Variants in ELAPOR1 observed in about 807,000 individuals in gnomAD.
The protein encoded by ELAPOR1 is endosome-lysosome associated apoptosis and autophagy regulator 1.
Under a neutral mutation model 119.7 loss-of-function variants are expected in ELAPOR1, and 77 were observed. That is an observed-to-expected ratio of 0.64 (90% confidence interval 0.54 to 0.78). ELAPOR1 has a LOEUF of 0.78. ELAPOR1 is among the 30% of genes least tolerant of loss of function. The pLI is 0.00. For synonymous variants in ELAPOR1, 481 were observed against 487.2 expected, an observed-to-expected ratio of 0.99 and a Z score of 0.17; for missense variants, 1,115 against 1,270.4, an observed-to-expected ratio of 0.88 and a Z score of 1.86.
intron 1 of ELAPOR1, among the ~76,000 whole-genome samples, chr1:109,137,423 C>T (rs757708026): frequency 6.6e-5 from 10 of 152,026 alleles, no homozygotes; most frequent in Admixed American, 1.3e-4. Flanking sequence ...AGACTGGTCT[C>T]GAACTCCTGA....
intron 21 of ELAPOR1, chr1:109,201,350 C>G: frequency 2.2e-6 from 1 of 456,438 alleles, no homozygotes; most frequent in Admixed American, 2.3e-5. Flanking sequence ...GGAGCTGAAT[C>G]ATAGTTCAGT....
chr1:109,203,023 C>T lies in ELAPOR1; in HGVS notation c.*11C>T. The T allele has an allele frequency of 6.4e-7, 1 of 1,568,946 alleles. No individual in the cohort carries two copies. Among genetic ancestry groups the T allele is most frequent in the Admixed American group, 1.7e-5 (1 of 59,198 alleles). On this transcript the variant is annotated 3_prime_UTR_variant, in exon 22 of 22. Coordinates refer to ENST00000369939, the MANE Select transcript of ELAPOR1 (RefSeq NM_020775.5). ...GACATGGACCTGTGAGAGGCACTGC[C>T]TGCCTCACCTGCCTCCTCACCTTGC...
intron 9 of ELAPOR1, 62 bp downstream of exon 9, chr1:109,188,416 A>G (rs1166200683): frequency 1.3e-6 from 2 of 1,535,328 alleles, no homozygotes. Context: ...CTGTGTGGGC[A>G]CTAACAGTGG....
At chr1:109,195,011 G>A (rs568643587) in intron 15 of ELAPOR1, among the ~76,000 whole-genome samples, 3 of 152,308 alleles carry the variant, frequency 2.0e-5, no homozygotes, top group Non-Finnish European at 4.4e-5. Context: ...TCGAGAGGCT[G>A]AGGCAGGAGA....
intron 8 of ELAPOR1, chr1:109,187,330 G>A (rs1040249889): frequency 1.1e-5 from 11 of 985,404 alleles, no homozygotes; most frequent in Non-Finnish European, 1.3e-5. Flanking sequence ...CCTCCGCAGG[G>A]AAGAGGGCCG....
Position 109,136,838 on chromosome 1 carries a change from T to C in ELAPOR1, c.153+22502T>C, listed in dbSNP as rs185607385. ...TGTCTGTTTGCAGGCAAAGCACATT[T>C]AGACGTTTAAGTCACAGACACACGT... On this transcript the variant is annotated intron_variant, in intron 1 of 21. Coordinates refer to ENST00000369939, the MANE Select transcript of ELAPOR1 (RefSeq NM_020775.5). Among the ~76,000 whole-genome samples the C allele has an allele frequency of 1.6e-4, 24 of 152,318 alleles. 1 individual carries two copies. Among genetic ancestry groups the C allele is most frequent in the Admixed American group, 1.3e-3 (20 of 15,288 alleles).
intron 1 of ELAPOR1, among the ~76,000 whole-genome samples, chr1:109,159,045 G>C (rs953207626): frequency 6.6e-6 from 1 of 151,892 alleles, no homozygotes; most frequent in Non-Finnish European, 1.5e-5. Flanking sequence ...TTACAGGCGC[G>C]TGCCACCACA....
At position 109,203,061 on chromosome 1, in the gene ELAPOR1, C is replaced by A; in HGVS notation, c.*49C>A. The stretch of plus-strand genomic sequence containing the variant: ...CTCCTCACCTTGCATAGCACCTTTG[C>A]AAGCCTGCGGCGATTTGGGTGCCAG... On this transcript the variant is annotated 3_prime_UTR_variant, in exon 22 of 22. Transcript: ENST00000369939. The A allele has an allele frequency of 7.3e-7, 1 of 1,365,930 alleles. No homozygotes were observed. The highest frequency in any genetic ancestry group is 1.2e-5 in the South Asian group (1 of 82,428). The allele number at this position is 1,365,930 out of a possible 1,614,324, so 84.6% of individuals were successfully genotyped here. A position where few individuals can be genotyped will look rare whatever the true frequency, so the allele number is the denominator to read the frequency against.
intron 1 of ELAPOR1, among the ~76,000 whole-genome samples, chr1:109,116,037 G>A (rs962796185): frequency 6.6e-6 from 1 of 152,176 alleles, no homozygotes; most frequent in Non-Finnish European, 1.5e-5. Context: ...ACCAATTCTT[G>A]TTGAGATCTT....
At chr1:109,154,309 G>C (rs944703105) in intron 1 of ELAPOR1, among the ~76,000 whole-genome samples, 24 of 149,548 alleles carry the variant, frequency 1.6e-4, no homozygotes, top group African/African-American at 5.2e-4. Context: ...AAAAAGAAAA[G>C]GGGAAAAAGA....
chr1:109,135,869 G>A (rs1289703317), intron 1 of ELAPOR1, among the ~76,000 whole-genome samples: 3 of 152,200 alleles, frequency 2.0e-5, no homozygotes, highest in Non-Finnish European at 4.4e-5. Context: ...AGTCTTTGAT[G>A]TCAAGGATCT....
chr1:109,137,451 G>T (rs190455695), intron 1 of ELAPOR1, among the ~76,000 whole-genome samples: 5 of 152,016 alleles, frequency 3.3e-5, no homozygotes, highest in Admixed American at 3.3e-4. Context: ...TGATCTGCCC[G>T]CCTCGGCCGC....
At chr1:109,165,571 T>A (rs1570670278) in intron 3 of ELAPOR1, among the ~76,000 whole-genome samples, 2 of 128,994 alleles carry the variant, frequency 1.6e-5, no homozygotes, top group Non-Finnish European at 1.6e-5. Flanking sequence ...GCAACAAGAG[T>A]GAAACTCCGT....
intron 7 of ELAPOR1, among the ~76,000 whole-genome samples, chr1:109,178,823 G>T (rs1408205949): frequency 1.3e-5 from 2 of 152,074 alleles, no homozygotes; most frequent in African/African-American, 4.8e-5. Flanking sequence ...AAATTAGCTG[G>T]GTGTGGTGGC....
At chr1:109,175,421 C>T (rs1046943092) in intron 7 of ELAPOR1, among the ~76,000 whole-genome samples, 1 of 150,944 alleles carries the variant, frequency 6.6e-6, no homozygotes, top group Non-Finnish European at 1.5e-5. Flanking sequence ...AGGCTGGTCT[C>T]GAACTCCCAA....
At chr1:109,164,136 A>G (rs1192126993) in intron 2 of ELAPOR1, among the ~76,000 whole-genome samples, 1 of 152,092 alleles carries the variant, frequency 6.6e-6, no homozygotes, top group African/African-American at 2.4e-5. Context: ...AGCAACCATC[A>G]TCACTCTCAT....
intron 1 of ELAPOR1, among the ~76,000 whole-genome samples, chr1:109,154,888 G>A (rs580771): frequency 6.6e-6 from 1 of 152,160 alleles, no homozygotes; most frequent in East Asian, 1.9e-4. Context: ...TAGTCAGATC[G>A]GAGTTAGAGA....
chr1:109,126,185 T>A (rs1433818036), intron 1 of ELAPOR1, among the ~76,000 whole-genome samples: 1 of 152,184 alleles, frequency 6.6e-6, no homozygotes, highest in Non-Finnish European at 1.5e-5. Context: ...AGAGCAGGCC[T>A]TTCTGAGGAG....
intron 1 of ELAPOR1, among the ~76,000 whole-genome samples, chr1:109,156,291 G>C (rs1262387819): frequency 6.6e-6 from 1 of 151,686 alleles, no homozygotes; most frequent in Non-Finnish European, 1.5e-5. Flanking sequence ...AGGATCTGTG[G>C]TATCACCTAT....
Sources: allele counts gnomAD v4.1 joint callset (sites outside exome capture counted in the v4.1 genomes callset), GRCh38; gene constraint gnomAD v4.1.1; transcripts MANE v1.5; gene names NCBI Gene and HGNC (gene_info 2026-07-23, HGNC 2026-07-21).